TMEM225B: variants seen among roughly 807,000 people sequenced by gnomAD.
TMEM225B encodes transmembrane protein 225-like.
In TMEM225B, 10 loss-of-function variants were observed where a neutral mutation model predicts 16.9. That is an observed-to-expected ratio of 0.59 (90% CI 0.36 to 1.00). TMEM225B has a LOEUF of 1.00. TMEM225B is among the 50% of genes least tolerant of loss of function. The pLI, the probability that TMEM225B is intolerant of heterozygous loss-of-function variation, is 0.01. For missense variants in TMEM225B, 217 were observed against 267.0 expected, an observed-to-expected ratio of 0.81 and a Z score of 1.30; for synonymous variants, 92 against 109.8, an observed-to-expected ratio of 0.84 and a Z score of 1.01.
intron 2 of TMEM225B, 29 bp downstream of exon 2, chr7:99,600,314 G>T (rs1054559387): frequency 2.0e-5 from 14 of 702,738 alleles, no homozygotes; most frequent in African/African-American, 1.2e-4. Context: ...TTTGCTGAGG[G>T]AGTGGCTGGG....
chr7:99,610,041 G>A (rs751152764), intron 5 of TMEM225B, among the ~76,000 whole-genome samples: 3 of 152,042 alleles, frequency 2.0e-5, no homozygotes, highest in Non-Finnish European at 2.9e-5. Flanking sequence ...TCCATCCCTC[G>A]TTTGTTCTTA....
At chr7:99,608,571 A>C (rs1806015984) in intron 5 of TMEM225B, among the ~76,000 whole-genome samples, 1 of 134,264 alleles carries the variant, frequency 7.4e-6, no homozygotes, top group South Asian at 2.4e-4. Context: ...TTTTTAAGAG[A>C]TAGGGTCTTG....
intron 2 of TMEM225B, among the ~76,000 whole-genome samples, chr7:99,601,528 G>T (rs867378506): frequency 7.9e-5 from 12 of 152,204 alleles, no homozygotes; most frequent in Admixed American, 2.0e-4. Flanking sequence ...AGGAGGTTTA[G>T]CCTGGGTGAC....
chr7:99,601,422 G>C (rs2151195749), intron 2 of TMEM225B, among the ~76,000 whole-genome samples: 1 of 152,258 alleles, frequency 6.6e-6, no homozygotes, highest in African/African-American at 2.4e-5. Flanking sequence ...TTAGACCCCT[G>C]TCTCTACAAA....
In TMEM225B at chr7:99,608,497, G is replaced by A. The variant is rs73405294; in HGVS notation, c.493+687G>A. On this transcript the variant is annotated intron_variant, in intron 5 of 5. Coordinates refer to ENST00000431679, the MANE Select transcript of TMEM225B (RefSeq NM_001195541.3). ...AACTAAACTCTTTCAAATTTTTATA[G>A]TCTCCCTTCCACCATCCTGGTTCCT... Among the ~76,000 whole-genome samples, 1,394 of 149,386 alleles carry A rather than the reference G, an allele frequency of 9.3e-3. 24 individuals are homozygous for A. The highest frequency in any genetic ancestry group is 0.032 in the African/African-American group (1,316 of 40,596).
chr7:99,604,520 G>T lies in TMEM225B; in HGVS notation c.132G>T (p.Glu44Asp). The change falls in exon 3 of 6, where the codon GAG (glutamate) becomes GAT (aspartate). Residue 44 changes from glutamate (E) to aspartate (D), a missense_variant. Glu to Asp is a conservative substitution (Grantham distance 45, BLOSUM62 2). Coordinates refer to ENST00000431679, the MANE Select transcript of TMEM225B (RefSeq NM_001195541.3). ...TCTGGGTGCGACTGACAAACGAGGA[G>T]TCCCACGAAGTCTTTTTCAGTGGCC... is the stretch of plus-strand genomic sequence containing the variant. ...FPFWVRLTNEESHEVFFSGLF... is the reference protein window; with the variant it reads ...FPFWVRLTNEDSHEVFFSGLF... The T allele has an allele frequency of 6.5e-7, 1 of 1,536,152 alleles. No individual in the cohort carries two copies. The highest frequency in any genetic ancestry group is 8.7e-7 in the Non-Finnish European group (1 of 1,146,896).
chr7:99,601,408 ATAGT>A (rs1428268690), intron 2 of TMEM225B, among the ~76,000 whole-genome samples: 3 of 152,162 alleles, frequency 2.0e-5, no homozygotes, highest in African/African-American at 7.2e-5. Flanking sequence ...CCTGGGCAAC[ATAGT>A]TAGACCCCTG....
chr7:99,601,606 T>G (rs774350886), intron 2 of TMEM225B, among the ~76,000 whole-genome samples: 1 of 152,030 alleles, frequency 6.6e-6, no homozygotes, highest in Non-Finnish European at 1.5e-5. Context: ...ATTTTTCAAG[T>G]GGGAAGAAGA....
At chr7:99,605,010 AAC>A (rs879604800) in intron 3 of TMEM225B, among the ~76,000 whole-genome samples, 9,194 of 151,614 alleles carry the variant, frequency 0.061, 602 homozygotes, top group East Asian at 0.29. Flanking sequence ...CAACAACAAC[AAC>A]AACAACAACA....
intron 3 of TMEM225B, 70 bp from the exon 4 acceptor site, chr7:99,606,678 G>A (rs1431062127): frequency 1.4e-6 from 2 of 1,462,752 alleles, no homozygotes; most frequent in Admixed American, 2.1e-5. Flanking sequence ...GCCCTGCCCA[G>A]GCTCTGAGGG....
intron 3 of TMEM225B, among the ~76,000 whole-genome samples, chr7:99,606,129 C>T (rs1805790814): frequency 6.6e-6 from 1 of 152,130 alleles, no homozygotes; most frequent in South Asian, 2.1e-4. Context: ...AACCAAATTC[C>T]CATAATAACA....
At chr7:99,599,143 TTTTTTGTA>T (rs1409906230) in intron 1 of TMEM225B, among the ~76,000 whole-genome samples, 58 of 147,768 alleles carry the variant, frequency 3.9e-4, no homozygotes, top group Non-Finnish European at 7.5e-4. Flanking sequence ...TTTTTTTTTT[TTTTTTGTA>T]TTTTTAGTAG....
intron 3 of TMEM225B, among the ~76,000 whole-genome samples, chr7:99,605,284 A>G: frequency 6.6e-6 from 1 of 152,098 alleles, no homozygotes; most frequent in East Asian, 1.9e-4. Flanking sequence ...TGTTGCTTTT[A>G]CAGATGGGGA....
At chr7:99,600,941 T>C (rs1251297248) in intron 2 of TMEM225B, among the ~76,000 whole-genome samples, 4 of 151,214 alleles carry the variant, frequency 2.6e-5, no homozygotes, top group Admixed American at 6.6e-5. Context: ...GGAAGTGGGG[T>C]TGGGGAGAGG....
intron 3 of TMEM225B, 74 bp from the exon 4 acceptor site, chr7:99,606,674 C>A: frequency 7.0e-7 from 1 of 1,436,786 alleles, no homozygotes; most frequent in Non-Finnish European, 9.3e-7. Flanking sequence ...GCCAGCCCTG[C>A]CCAGGCTCTG....
intron 3 of TMEM225B, among the ~76,000 whole-genome samples, chr7:99,606,181 G>A (rs188916876): frequency 6.6e-6 from 1 of 152,348 alleles, no homozygotes; most frequent in Non-Finnish European, 1.5e-5. Flanking sequence ...TGTCATCCCA[G>A]CGCGTTGAGA....
At chr7:99,604,259 T>G in intron 2 of TMEM225B, 127 bp from the exon 3 acceptor site, 1 of 647,616 alleles carries the variant, frequency 1.5e-6, no homozygotes, top group Non-Finnish European at 2.7e-6. Flanking sequence ...GAAATCATCA[T>G]TTACTGAGTT....
intron 2 of TMEM225B, among the ~76,000 whole-genome samples, chr7:99,602,461 T>C (rs1056947585): frequency 6.6e-6 from 1 of 152,224 alleles, no homozygotes; most frequent in Non-Finnish European, 1.5e-5. Flanking sequence ...GACACTTTGG[T>C]ATGCGTTATT....
intron 2 of TMEM225B, among the ~76,000 whole-genome samples, chr7:99,600,613 A>T (rs961501645): frequency 4.6e-5 from 7 of 152,118 alleles, no homozygotes; most frequent in African/African-American, 1.7e-4. Flanking sequence ...TGAGCAGGGG[A>T]ACTTCCACTT....
Sources: gnomAD v4.1 joint callset for allele counts (sites outside exome capture counted in the v4.1 genomes callset) on GRCh38, gnomAD v4.1.1 for gene constraint, MANE v1.5 for transcripts, NCBI Gene and HGNC (gene_info 2026-07-23, HGNC 2026-07-21) for gene names.